Variants in SRSF12 observed in about 807,000 individuals in gnomAD.
SRSF12 encodes the protein serine and arginine rich splicing factor 12, also known as serine/arginine-rich splicing factor 12.
A neutral mutation model predicts 34.1 loss-of-function variants in SRSF12; 21 were observed. The ratio of observed to expected loss-of-function variants is 0.62; its 90% CI spans 0.44 to 0.89. The LOEUF is 0.89. Among genes scored for constraint, SRSF12 ranks in the 40% least tolerant of loss-of-function variants. SRSF12 has a pLI of 0.00. For missense variants in SRSF12, 278 were observed against 327.8 expected, an observed-to-expected ratio of 0.85 and a Z score of 1.17; for synonymous variants, 111 against 110.8, an observed-to-expected ratio of 1.00 and a Z score of -0.01.
Position 89,105,173 on chromosome 6 carries a change from C to G in SRSF12, c.362G>C (p.Arg121Pro). 1.9e-6 allele frequency: 3 copies of G among 1,612,326 alleles called. No individual in the cohort carries two copies. The highest frequency in any genetic ancestry group is 2.5e-6 in the Non-Finnish European group (3 of 1,179,090). The change falls in exon 4 of 5, where the codon CGA (arginine) becomes CCA (proline). Residue 121 changes from arginine to proline, a missense_variant. Physicochemically the swap from Arg to Pro is moderately radical, Grantham distance 103. Coordinates refer to ENST00000452027, the MANE Select transcript of SRSF12 (RefSeq NM_080743.5). ...RSRSPSQRRTRSRSSSWGRNR... is the reference protein window; with the variant it reads ...RSRSPSQRRTPSRSSSWGRNR... ...TCTTCCCCATGAAGAACTTCTACTT[C>G]GAGTTCTTCTTTGGCTGGGGCTTCT...
intron 4 of SRSF12, among the ~76,000 whole-genome samples, chr6:89,100,269 T>A (rs936523345): frequency 2.6e-5 from 4 of 152,102 alleles, no homozygotes; most frequent in Admixed American, 6.6e-5. Flanking sequence ...GAGAGAGAGA[T>A]TAGAGTTCAA....
At chr6:89,109,782 AT>A (rs1480477522) in intron 1 of SRSF12, among the ~76,000 whole-genome samples, 1 of 152,214 alleles carries the variant, frequency 6.6e-6, no homozygotes, top group Non-Finnish European at 1.5e-5. Context: ...ATAAACACCC[AT>A]GTATCTACCA....
rs970458807 is a variant in SRSF12, at chr6:89,117,744, G to A, written c.65+79C>T. On this transcript the variant is annotated intron_variant, in intron 1 of 4. Coordinates refer to ENST00000452027, the MANE Select transcript of SRSF12 (RefSeq NM_080743.5). ...CGCGCAGCTCCCCCGAGCCTCCGCCGGGCCTCGGCCGTGCTCCGCGGCGCG... is the reference window on the plus strand; with the variant it reads ...CGCGCAGCTCCCCCGAGCCTCCGCCAGGCCTCGGCCGTGCTCCGCGGCGCG... 34 of 1,379,926 alleles carry A rather than the reference G, an allele frequency of 2.5e-5. No homozygotes were observed. The East Asian group carries it at 7.8e-4, about 32-fold the overall frequency. The allele number at this position is 1,379,926 out of a possible 1,614,324, so 85.5% of individuals were successfully genotyped here.
intron 1 of SRSF12, 58 bp downstream of exon 1, chr6:89,117,765 G>C: frequency 6.7e-7 from 1 of 1,488,270 alleles, no homozygotes; most frequent in Non-Finnish European, 9.0e-7. Flanking sequence ...GTGCTCCGCG[G>C]CGCGGCTGTT....
chr6:89,117,007 G>A (rs1404234191), intron 1 of SRSF12, among the ~76,000 whole-genome samples: 4 of 152,002 alleles, frequency 2.6e-5, no homozygotes, highest in Non-Finnish European at 5.9e-5. Context: ...CCAGTGAAAT[G>A]AGAATGTCTA....
At chr6:89,114,222 G>T (rs990216172) in intron 1 of SRSF12, among the ~76,000 whole-genome samples, 1 of 152,174 alleles carries the variant, frequency 6.6e-6, no homozygotes, top group Non-Finnish European at 1.5e-5. Flanking sequence ...GACATCAAGA[G>T]TTCGAGACCA....
intron 4 of SRSF12, among the ~76,000 whole-genome samples, chr6:89,099,158 T>C (rs1318670526): frequency 1.3e-5 from 2 of 151,990 alleles, no homozygotes; most frequent in Non-Finnish European, 2.9e-5. Flanking sequence ...TGGCCAAAAA[T>C]TTTTACTTTG....
At chr6:89,115,736 A>G (rs887738229) in intron 1 of SRSF12, among the ~76,000 whole-genome samples, 3 of 147,644 alleles carry the variant, frequency 2.0e-5, no homozygotes, top group African/African-American at 7.6e-5. Context: ...TCCCGGGTTC[A>G]CACCATTATC....
chr6:89,114,605 A>C (rs1205393904), intron 1 of SRSF12, among the ~76,000 whole-genome samples: 1 of 106,346 alleles, frequency 9.4e-6, no homozygotes, highest in Non-Finnish European at 1.7e-5. Context: ...GGCAAAGCTA[A>C]AAAAAAAAAA....
In SRSF12 at chr6:89,108,636, G is replaced by C. The variant is rs564444206; in HGVS notation, c.66-1378C>G. 2.3e-4 allele frequency among the ~76,000 whole-genome samples: 35 copies of C among 152,306 alleles called. 1 individual carries two copies. The South Asian group carries it at 6.8e-3, about 30-fold the overall frequency. On this transcript the variant is annotated intron_variant, in intron 1 of 4. Transcript: ENST00000452027. ...TTCTAGCTTGGACAAATGGAAAAAA[G>C]ATGGTGTCAGTGACAAAAATTAGAA...
intron 4 of SRSF12, among the ~76,000 whole-genome samples, chr6:89,104,122 A>G (rs1281463408): frequency 2.1e-5 from 3 of 146,286 alleles, no homozygotes; most frequent in African/African-American, 7.6e-5. Flanking sequence ...TGGCACCTGG[A>G]CATTTTATTG....
At chr6:89,114,890 G>T (rs1044177347) in intron 1 of SRSF12, among the ~76,000 whole-genome samples, 4 of 151,926 alleles carry the variant, frequency 2.6e-5, no homozygotes, top group South Asian at 2.1e-4. Context: ...TCCACCTCCC[G>T]GGTTCAAGCG....
At chr6:89,099,413 T>TATATACAC (rs370117225) in intron 4 of SRSF12, among the ~76,000 whole-genome samples, 10 of 140,032 alleles carry the variant, frequency 7.1e-5, no homozygotes, top group African/African-American at 2.8e-4. Flanking sequence ...CATATATATA[T>TATATACAC]ACATATATAT....
intron 4 of SRSF12, among the ~76,000 whole-genome samples, chr6:89,103,991 CTTTTTTTTTTT>C (rs55760020): frequency 0.031 from 2,512 of 81,978 alleles, 72 homozygotes; most frequent in African/African-American, 0.11. Context: ...TATTATATTT[CTTTTTTTTTTT>C]TTTTTTTTTT....
intron 1 of SRSF12, among the ~76,000 whole-genome samples, chr6:89,114,364 G>A (rs754435325): frequency 6.6e-6 from 1 of 152,178 alleles, no homozygotes; most frequent in African/African-American, 2.4e-5. Context: ...GGAGGCGGAG[G>A]TTGCAGTGAG....
rs372529663 is a variant in SRSF12, at chr6:89,099,428, G to A, written c.417-481C>T. Reference sequence around the variant, plus strand: ...CATATATATATACATATATATATGTGTGTATATATATACACATATATATGT... The same window carrying A: ...CATATATATATACATATATATATGTATGTATATATATACACATATATATGT... On this transcript the variant is annotated intron_variant, in intron 4 of 4. Transcript: ENST00000452027. Among the ~76,000 whole-genome samples, 34 of 74,756 alleles carry A rather than the reference G, an allele frequency of 4.5e-4. No homozygotes were observed. The South Asian group carries it at 6.3e-3, about 14-fold the overall frequency. 49.0% of individuals were successfully genotyped at this position (74,756 alleles called of 152,430 possible).
intron 4 of SRSF12, among the ~76,000 whole-genome samples, chr6:89,101,831 G>C (rs1768552638): frequency 1.3e-5 from 2 of 152,102 alleles, no homozygotes. Context: ...CATTTTTAAA[G>C]AGAAAAATAA....
intron 4 of SRSF12, among the ~76,000 whole-genome samples, chr6:89,101,383 T>A (rs1428919295): frequency 6.6e-6 from 1 of 152,120 alleles, no homozygotes; most frequent in Admixed American, 6.6e-5. Flanking sequence ...AAAACTACAC[T>A]GGGCACATCA....
intron 4 of SRSF12, among the ~76,000 whole-genome samples, chr6:89,099,538 G>GTA (rs1562192481): frequency 2.1e-4 from 26 of 126,232 alleles, no homozygotes; most frequent in African/African-American, 5.1e-4. Context: ...ACACATACAT[G>GTA]TTTTTTTTTT....
Sources: gnomAD v4.1 joint callset for allele counts (sites outside exome capture counted in the v4.1 genomes callset) on GRCh38, gnomAD v4.1.1 for gene constraint, MANE v1.5 for transcripts, NCBI Gene and HGNC (gene_info 2026-07-23, HGNC 2026-07-21) for gene names.